Variants in LMF1 observed in about 807,000 individuals in gnomAD.
LMF1 encodes the protein lipase maturation factor 1.
A neutral mutation model predicts 60.6 loss-of-function variants in LMF1; 68 were observed. The observed-to-expected ratio is 1.12, with a 90% CI of 0.92 to 1.37. LMF1 has a LOEUF of 1.37. Among genes scored for constraint, LMF1 ranks in the 40% most tolerant of loss-of-function variants. The pLI is 0.00. For missense variants in LMF1, 948 were observed against 767.2 expected (o/e 1.24, Z -2.78); for synonymous variants, 418 against 324.7 (o/e 1.29, Z -3.09).
chr16:975,983 G>GCCTCATGAACTCTGTGGACATTCAAGGA (rs1567348050), upstream of LMF1: 16 of 289,980 alleles, frequency 5.5e-5, no homozygotes, highest in South Asian at 3.2e-4. Flanking sequence ...CCGGGCAAGG[G>GCCTCATGAACTCTGTGGACATTCAAGGA]GCCTCATGAA....
chr16:890,234 G>A (rs550053550), intron 5 of LMF1, among the ~76,000 whole-genome samples: 25 of 152,292 alleles, frequency 1.6e-4, no homozygotes, highest in Non-Finnish European at 2.8e-4. Flanking sequence ...GCACGGCGCC[G>A]CACTGCTCTG....
chr16:948,208 CCAATGACAGAGTCAGAGA>C (rs2072300398), intron 2 of LMF1, among the ~76,000 whole-genome samples: 1 of 122,876 alleles, frequency 8.1e-6, no homozygotes, highest in Non-Finnish European at 1.6e-5. Flanking sequence ...ACAGAGTCAG[CCAATGACAGAGTCAGAGA>C]CAATGACAGA....
chr16:978,047 CACACAA>C (rs1376584243), intron 1 of LMF1, among the ~76,000 whole-genome samples: 1 of 139,066 alleles, frequency 7.2e-6, no homozygotes, highest in African/African-American at 2.8e-5. Flanking sequence ...ACATCACACA[CACACAA>C]ACACACCCAC....
chr16:970,388 C>G (rs1273199654), intron 1 of LMF1, among the ~76,000 whole-genome samples: 2 of 152,016 alleles, frequency 1.3e-5, no homozygotes, highest in Non-Finnish European at 2.9e-5. Flanking sequence ...CGCCCCGCAG[C>G]CAGGACGCAG....
chr16:879,699 G>A lies in LMF1; in HGVS notation c.768C>T (p.His256=). Residue 256 remains histidine (H), a synonymous_variant, in exon 6 of 11, where the codon CAC becomes CAT. Coordinates refer to ENST00000262301, the MANE Select transcript of LMF1 (RefSeq NM_022773.4). ...AGCGATGGAACCACCAGGGTGAGTGGTGCAGGTAGTACGCCACAGGATTGG... is the reference window on the plus strand; with the variant it reads ...AGCGATGGAACCACCAGGGTGAGTGATGCAGGTAGTACGCCACAGGATTGG... The part of the protein sequence containing the change: ...PMPNPVAYYL[H]HSPWWFHRFE... 3 of 1,602,930 alleles carry A rather than the reference G, an allele frequency of 1.9e-6. No homozygotes were observed. Among genetic ancestry groups the A allele is most frequent in the South Asian group, 1.1e-5 (1 of 88,704 alleles).
chr16:877,228 T>C (rs1159573579), intron 6 of LMF1, among the ~76,000 whole-genome samples: 2 of 152,152 alleles, frequency 1.3e-5, no homozygotes, highest in South Asian at 2.1e-4. Flanking sequence ...TGAGAGGCTA[T>C]AAAACTAAGA....
At chr16:866,677 G>C (rs1231720138) in intron 10 of LMF1, among the ~76,000 whole-genome samples, 1 of 152,170 alleles carries the variant, frequency 6.6e-6, no homozygotes, top group African/African-American at 2.4e-5. Flanking sequence ...GGTGTGGGTG[G>C]GGCCATGGTT....
At chr16:944,759 G>A (rs759456355) in intron 2 of LMF1, among the ~76,000 whole-genome samples, 2 of 152,100 alleles carry the variant, frequency 1.3e-5, no homozygotes, top group East Asian at 1.9e-4. Context: ...CCCTGTCTAC[G>A]GCCCCTCCTT....
chr16:965,419 C>A (rs1244900096), intron 1 of LMF1, among the ~76,000 whole-genome samples: 1 of 152,042 alleles, frequency 6.6e-6, no homozygotes, highest in African/African-American at 2.4e-5. Context: ...CTCACCAAGG[C>A]CACTACAAGA....
rs2072695073 is a variant in LMF1, at chr16:956,059, C to T, written c.194-1393G>A. Among the ~76,000 whole-genome samples the T allele has an allele frequency of 1.6e-5, 2 of 124,576 alleles. 1 individual carries two copies. Among genetic ancestry groups the T allele is most frequent in the South Asian group, 6.1e-4 (2 of 3,294 alleles). The allele number at this position is 124,576 out of a possible 152,430, so 81.7% of individuals were successfully genotyped here. ...TGAGTTCACGTCTCACGGCGCCCAC[C>T]GCACGACGGCTCTCTCACATCCACA... On this transcript the variant is annotated intron_variant, in intron 1 of 10. Transcript: ENST00000262301.
At chr16:876,161 T>C (rs1013866336) in intron 6 of LMF1, among the ~76,000 whole-genome samples, 1 of 152,248 alleles carries the variant, frequency 6.6e-6, no homozygotes, top group African/African-American at 2.4e-5. Flanking sequence ...CCGGGGCACG[T>C]GCGGACCACG....
intron 3 of LMF1, among the ~76,000 whole-genome samples, chr16:931,481 G>C (rs919322013): frequency 7.2e-5 from 11 of 152,222 alleles, no homozygotes; most frequent in Non-Finnish European, 1.6e-4. Flanking sequence ...ACGCACACGC[G>C]GCTCGGATGA....
At chr16:939,033 G>A (rs529487386) in intron 2 of LMF1, among the ~76,000 whole-genome samples, 91 of 152,228 alleles carry the variant, frequency 6.0e-4, no homozygotes, top group African/African-American at 1.9e-3. Context: ...TTACCTTCCC[G>A]GACAGCAGGG....
At chr16:902,932 T>A (rs1296424114) in intron 4 of LMF1, among the ~76,000 whole-genome samples, 1 of 84,440 alleles carries the variant, frequency 1.2e-5, no homozygotes, top group African/African-American at 6.7e-5. Context: ...TGCCTGTCTC[T>A]GCTGTGTGGT....
intron 4 of LMF1, 106 bp downstream of exon 4, chr16:910,825 G>T: frequency 7.0e-7 from 1 of 1,435,918 alleles, no homozygotes; most frequent in Non-Finnish European, 9.6e-7. Flanking sequence ...CAGGAGGACA[G>T]AGGGCGGCGG....
At position 879,718 on chromosome 16, in the gene LMF1, G is replaced by T. The variant is rs760453350; in HGVS notation, c.749C>A (p.Pro250His). Residue 250 changes from proline (P) to histidine (H), a missense_variant, in exon 6 of 11, where the codon CCT (proline) becomes CAT (histidine). Physicochemically the swap from Pro to His is moderately conservative, Grantham distance 77 (BLOSUM62 -2). Transcript: ENST00000262301. ...TGAGTGGTGCAGGTAGTACGCCACA[G>T]GATTGGGCATCGGCTGGGTCTGCAG... ...FHYETQPMPN[P>H]VAYYLHHSPW... is the part of the protein sequence containing the mutation. The T allele has an allele frequency of 1.3e-6, 2 of 1,595,286 alleles. No homozygotes were observed. The highest frequency in any genetic ancestry group is 3.5e-5 in the Admixed American group (2 of 56,826).
intron 10 of LMF1, among the ~76,000 whole-genome samples, chr16:859,187 C>T (rs1401843709): frequency 1.8e-5 from 2 of 111,582 alleles, no homozygotes; most frequent in African/African-American, 4.3e-5. Context: ...AGTGGTGTCT[C>T]GGGACGGGTG....
At chr16:960,450 C>T (rs1455113345) in intron 1 of LMF1, among the ~76,000 whole-genome samples, 13 of 94,204 alleles carry the variant, frequency 1.4e-4, no homozygotes, top group African/African-American at 4.1e-4. Flanking sequence ...CACAGACTCA[C>T]GGTGACAGCA....
Position 871,349 on chromosome 16 carries a change from G to A in LMF1, c.898-8C>T. ...GCTGACGATGAGGACGGCCTGTGGAGACGCCGCAGCTGAGTCTCGTGCAGG... is the reference window on the plus strand; with the variant it reads ...GCTGACGATGAGGACGGCCTGTGGAAACGCCGCAGCTGAGTCTCGTGCAGG... On this transcript the variant is annotated splice_region_variant and splice_polypyrimidine_tract_variant and intron_variant, in intron 6 of 10. Transcript: ENST00000262301. 1 of 1,611,550 alleles carries A rather than the reference G, an allele frequency of 6.2e-7. No individual in the cohort carries two copies. The highest frequency in any genetic ancestry group is 8.5e-7 in the Non-Finnish European group (1 of 1,179,616).
Sources: allele counts gnomAD v4.1 joint callset (sites outside exome capture counted in the v4.1 genomes callset), GRCh38; gene constraint gnomAD v4.1.1; transcripts MANE v1.5; gene names NCBI Gene and HGNC (gene_info 2026-07-23, HGNC 2026-07-21).